Variants in PCLO observed in about 807,000 individuals in gnomAD.
PCLO encodes protein piccolo.
Under a neutral mutation model 427.5 loss-of-function variants are expected in PCLO, and 82 were observed. That is an observed-to-expected ratio of 0.19 (90% CI 0.16 to 0.23). The LOEUF (loss-of-function observed/expected upper bound fraction) is 0.23. PCLO is among the 10% of genes least tolerant of loss of function. The pLI is 1.00. For missense variants in PCLO, 6,239 were observed against 6,115.9 expected, an observed-to-expected ratio of 1.02 and a Z score of -0.67; for synonymous variants, 2,357 against 2,155.4, an observed-to-expected ratio of 1.09 and a Z score of -2.59.
intron 3 of PCLO, among the ~76,000 whole-genome samples, chr7:83,108,276 G>C (rs949477608): frequency 6.6e-6 from 1 of 151,974 alleles, no homozygotes; most frequent in African/African-American, 2.4e-5. Context: ...GAGATTCTAA[G>C]TCCATATTTA....
rs868713069 is a variant in PCLO at position 83,135,667 on chromosome 7, T to C, written c.1894-11A>G. The stretch of plus-strand genomic sequence containing the variant: ...GAGCCACTCTTTTACCTACAAATAA[T>C]ATAAAACAATGGTCACCGAGACAAT... On this transcript the variant is annotated splice_polypyrimidine_tract_variant and intron_variant, in intron 2 of 24. Coordinates refer to ENST00000333891, the MANE Select transcript of PCLO (RefSeq NM_033026.6). 3 of 1,524,524 alleles carry C rather than the reference T, an allele frequency of 2.0e-6. No homozygotes were observed. The highest frequency in any genetic ancestry group is 2.8e-5 in the African/African-American group (2 of 71,862). 94.4% of individuals were successfully genotyped at this position (1,524,524 alleles called of 1,614,324 possible). A position where few individuals can be genotyped will look rare whatever the true frequency, so the allele number is the denominator to read the frequency against.
intron 3 of PCLO, among the ~76,000 whole-genome samples, chr7:82,984,943 G>T (rs1386501160): frequency 4.6e-5 from 7 of 151,940 alleles, no homozygotes; most frequent in Admixed American, 1.3e-4. Context: ...ATAAAATCAA[G>T]AATGAAACTT....
At chr7:83,158,543 T>C (rs1278409692) in intron 1 of PCLO, among the ~76,000 whole-genome samples, 1 of 151,864 alleles carries the variant, frequency 6.6e-6, no homozygotes, top group East Asian at 1.9e-4. Flanking sequence ...CTACCTTAAT[T>C]ATACTAAATT....
At chr7:82,836,877 G>T (rs773962636) in intron 15 of PCLO, among the ~76,000 whole-genome samples, 22 of 152,056 alleles carry the variant, frequency 1.4e-4, no homozygotes, top group Non-Finnish European at 2.6e-4. Flanking sequence ...TACAGTAAAA[G>T]AATACACTTC....
At chr7:83,028,576 A>G (rs1377249296) in intron 3 of PCLO, among the ~76,000 whole-genome samples, 1 of 130,662 alleles carries the variant, frequency 7.7e-6, no homozygotes, top group East Asian at 2.1e-4. Flanking sequence ...CAAGCTACCA[A>G]TGACTTTCTT....
At chr7:83,092,279 A>G (rs527424950) in intron 3 of PCLO, among the ~76,000 whole-genome samples, 2 of 152,284 alleles carry the variant, frequency 1.3e-5, no homozygotes, top group African/African-American at 4.8e-5. Flanking sequence ...TTCAGTCCTG[A>G]AAGATTCTCT....
At position 83,155,056 on chromosome 7, in the gene PCLO, G is replaced by T. The variant is rs895119524; in HGVS notation, c.1585C>A (p.Pro529Thr). ...GCTGAGCCAGGCTGTTGAGATGGGG[G>T]TTTTGTTGAGCCAGGCTGTTGAGGT... ...PSPQQPGSTK[P>T]PSQQPGSAKP... The change falls in exon 2 of 25, where the codon CCC becomes ACC. Residue 529 changes from proline to threonine, a missense_variant. By Grantham distance (38) the Pro-to-Thr change is conservative. Coordinates refer to ENST00000333891, the MANE Select transcript of PCLO (RefSeq NM_033026.6). The T allele has an allele frequency of 1.9e-5, 31 of 1,613,066 alleles. No individual in the cohort carries two copies. Among genetic ancestry groups the T allele is most frequent in the Middle Eastern group, 3.3e-4 (2 of 6,050 alleles).
chr7:82,888,611 T>C lies in PCLO; in HGVS notation c.13529-9149A>G, dbSNP rs28693696. Among the ~76,000 whole-genome samples the C allele has an allele frequency of 8.0e-3, 1,211 of 151,902 alleles. 20 individuals are homozygous for C. The highest frequency in any genetic ancestry group is 0.026 in the African/African-American group (1,094 of 41,434). On this transcript the variant is annotated intron_variant, in intron 9 of 24. Transcript: ENST00000333891. ...TTGAAGCAAACAAAACAAATCTTTTTAAAAAAAAGACTTAATAAACGAAGC... is the reference window on the plus strand; with the variant it reads ...TTGAAGCAAACAAAACAAATCTTTTCAAAAAAAAGACTTAATAAACGAAGC...
chr7:83,080,601 T>C (rs1790072616), intron 3 of PCLO, among the ~76,000 whole-genome samples: 1 of 152,168 alleles, frequency 6.6e-6, no homozygotes, highest in South Asian at 2.1e-4. Context: ...CTCTCCCCAA[T>C]GTTGTGAACT....
chr7:82,866,348 G>A (rs182837303), intron 10 of PCLO, among the ~76,000 whole-genome samples: 19 of 151,660 alleles, frequency 1.3e-4, no homozygotes, highest in African/African-American at 3.9e-4. Flanking sequence ...TATTATATGA[G>A]ATATATTTAA....
At chr7:83,064,614 C>G (rs1789620343) in intron 3 of PCLO, among the ~76,000 whole-genome samples, 1 of 151,924 alleles carries the variant, frequency 6.6e-6, no homozygotes, top group African/African-American at 2.4e-5. Flanking sequence ...CATCACAGTT[C>G]TGCTTCATAA....
intron 3 of PCLO, among the ~76,000 whole-genome samples, chr7:83,130,537 TTTC>T (rs1750493472): frequency 6.6e-6 from 1 of 152,364 alleles, no homozygotes; most frequent in Middle Eastern, 3.4e-3. Flanking sequence ...TCCTTATTGA[TTTC>T]TTCTTATTGA....
At chr7:83,065,498 T>TAAA (rs780514400) in intron 3 of PCLO, among the ~76,000 whole-genome samples, 4 of 104,172 alleles carry the variant, frequency 3.8e-5, no homozygotes, top group African/African-American at 1.4e-4. Context: ...GCTCAAAATG[T>TAAA]AAAAAAAAAA....
chr7:83,100,621 A>G (rs1374794583), intron 3 of PCLO, among the ~76,000 whole-genome samples: 1 of 152,130 alleles, frequency 6.6e-6, no homozygotes, highest in Non-Finnish European at 1.5e-5. Flanking sequence ...ACGTGCTCAC[A>G]TAGAGAGGAA....
At chr7:83,016,592 C>T (rs1583910720) in intron 3 of PCLO, among the ~76,000 whole-genome samples, 2 of 151,994 alleles carry the variant, frequency 1.3e-5, no homozygotes, top group Admixed American at 6.6e-5. Context: ...CTAGAGATGA[C>T]GTTTCAGAAA....
At chr7:82,847,278 A>T (rs1792528657) in intron 10 of PCLO, 31 bp from the exon 11 acceptor site, 1 of 1,256,046 alleles carries the variant, frequency 8.0e-7, no homozygotes, top group Non-Finnish European at 1.1e-6. Context: ...ATAAAATCAA[A>T]CGTGTGCTAT....
At chr7:83,117,575 ACTG>A (rs1180221286) in intron 3 of PCLO, among the ~76,000 whole-genome samples, 1 of 152,182 alleles carries the variant, frequency 6.6e-6, no homozygotes, top group African/African-American at 2.4e-5. Context: ...GAGCTCGCTT[ACTG>A]CTGCTATCAA....
Position 83,155,413 on chromosome 7 carries a change from G to A in PCLO, c.1228C>T (p.Pro410Ser), listed in dbSNP as rs1190014953. The change falls in exon 2 of 25, where the codon CCT becomes TCT. Residue 410 changes from proline to serine, a missense_variant. This residue lies in a region of PCLO where 4,677 missense variants were observed against 4,468.4 expected (regional missense o/e 1.05). Transcript: ENST00000333891. ...TPAQQPGPAKPPTQQVGTPKP... is the reference protein window; with the variant it reads ...TPAQQPGPAKSPTQQVGTPKP... The stretch of plus-strand genomic sequence containing the variant: ...GGTGTCCCCACCTGCTGGGTTGGAG[G>A]CTTTGCTGGCCCTGGCTGTTGAGCT... 6.2e-7 allele frequency: 1 copy of A among 1,612,658 alleles called. No individual in the cohort carries two copies. The highest frequency in any genetic ancestry group is 1.3e-5 in the African/African-American group (1 of 74,836).
At chr7:83,122,090 A>G (rs1173530612) in intron 3 of PCLO, among the ~76,000 whole-genome samples, 3 of 152,174 alleles carry the variant, frequency 2.0e-5, no homozygotes, top group Non-Finnish European at 4.4e-5. Flanking sequence ...TGAAAAAAGC[A>G]TTTGATAAAA....
Sources: allele counts gnomAD v4.1 joint callset (sites outside exome capture counted in the v4.1 genomes callset), GRCh38; gene constraint gnomAD v4.1.1; regional missense constraint gnomAD v4.1.1; transcripts MANE v1.5; gene names NCBI Gene and HGNC (gene_info 2026-07-23, HGNC 2026-07-21).